The following ROR1 variants were observed in gnomAD, a reference collection of about 807,000 sequenced individuals.
ROR1 encodes inactive tyrosine-protein kinase transmembrane receptor ROR1.
ROR1 carries 19 observed loss-of-function variants against 78.8 expected under a neutral mutation model. The ratio of observed to expected loss-of-function variants is 0.24; its 90% confidence interval spans 0.17 to 0.35. ROR1 has a LOEUF of 0.35. ROR1 is among the 10% of genes least tolerant of loss of function. The pLI, the probability that ROR1 is intolerant of heterozygous loss-of-function variation, is 1.00. For synonymous variants in ROR1, 386 were observed against 433.6 expected (o/e 0.89, Z 1.36); for missense variants, 917 against 1,177.8 (o/e 0.78, Z 3.24).
At chr1:64,016,436 T>C (rs1646521203) in intron 2 of ROR1, among the ~76,000 whole-genome samples, 1 of 152,150 alleles carries the variant, frequency 6.6e-6, no homozygotes, top group South Asian at 2.1e-4. Context: ...TTAAAATTAA[T>C]TTATAGTACC....
chr1:64,006,936 A>T (rs1646432357), intron 1 of ROR1, among the ~76,000 whole-genome samples: 1 of 152,182 alleles, frequency 6.6e-6, no homozygotes, highest in Admixed American at 6.5e-5. Flanking sequence ...AGTGACGATG[A>T]CATGTGGCCA....
chr1:63,984,794 C>T (rs550146403), intron 1 of ROR1, among the ~76,000 whole-genome samples: 1 of 152,286 alleles, frequency 6.6e-6, no homozygotes, highest in Admixed American at 6.5e-5. Flanking sequence ...GACAGATATA[C>T]AATATGAAGT....
chr1:63,791,219 G>A (rs1375367398), intron 1 of ROR1, among the ~76,000 whole-genome samples: 6 of 152,126 alleles, frequency 3.9e-5, no homozygotes, highest in Non-Finnish European at 8.8e-5. Flanking sequence ...TGTGGGCAGC[G>A]TGAAAACAAT....
At chr1:63,874,208 T>C (rs1569848656) in intron 1 of ROR1, among the ~76,000 whole-genome samples, 1 of 152,356 alleles carries the variant, frequency 6.6e-6, no homozygotes, top group East Asian at 1.9e-4. Context: ...AATTACTCTC[T>C]TGTTTTAGAA....
intron 2 of ROR1, among the ~76,000 whole-genome samples, chr1:64,039,912 C>G (rs1487549899): frequency 6.6e-6 from 1 of 152,198 alleles, no homozygotes; most frequent in Non-Finnish European, 1.5e-5. Context: ...AGTCTTTAGG[C>G]TGCAATGTGA....
chr1:64,125,721 A>T (rs546118356), intron 4 of ROR1, among the ~76,000 whole-genome samples: 1 of 152,288 alleles, frequency 6.6e-6, no homozygotes, highest in East Asian at 1.9e-4. Flanking sequence ...AGAAATAGGG[A>T]TGGAACTTGC....
intron 7 of ROR1, among the ~76,000 whole-genome samples, chr1:64,148,178 T>C (rs1649527771): frequency 6.6e-6 from 1 of 152,186 alleles, no homozygotes. Context: ...TCTATCCCCC[T>C]AGGAGTAGGT....
rs1390612934 is a variant in ROR1, at chr1:64,096,303, A to T, written c.483-41066A>T. ...GTTTTTACATAGGTAAATGTGTGTC[A>T]TGGGGTTTGTTGTACAGATTATTTC... On this transcript the variant is annotated intron_variant, in intron 4 of 8. Coordinates refer to ENST00000371079, the MANE Select transcript of ROR1 (RefSeq NM_005012.4). Among the ~76,000 whole-genome samples, 7 of 151,968 alleles carry T rather than the reference A, an allele frequency of 4.6e-5. No homozygotes were observed. In the East Asian group the frequency reaches 1.4e-3, roughly 29 times the overall value.
At chr1:64,107,204 T>C (rs993019557) in intron 4 of ROR1, among the ~76,000 whole-genome samples, 10 of 152,180 alleles carry the variant, frequency 6.6e-5, no homozygotes, top group African/African-American at 2.4e-4. Flanking sequence ...ACCTTTTCAG[T>C]AGTTGTTGCC....
At chr1:63,897,717 G>T (rs563896243) in intron 1 of ROR1, among the ~76,000 whole-genome samples, 1 of 152,260 alleles carries the variant, frequency 6.6e-6, no homozygotes, top group African/African-American at 2.4e-5. Context: ...CTGCTACATA[G>T]AAGTGCTTAA....
chr1:63,916,258 A>C (rs1645608835), intron 1 of ROR1, among the ~76,000 whole-genome samples: 1 of 152,202 alleles, frequency 6.6e-6, no homozygotes, highest in South Asian at 2.1e-4. Flanking sequence ...TGTTGAAGGC[A>C]AGAGGATACA....
intron 1 of ROR1, among the ~76,000 whole-genome samples, chr1:63,779,818 C>T (rs1452301261): frequency 2.0e-5 from 3 of 152,064 alleles, no homozygotes; most frequent in Non-Finnish European, 4.4e-5. Flanking sequence ...CCCCTGCCCC[C>T]AGCCACACCC....
At chr1:64,026,444 G>A (rs1261369874) in intron 2 of ROR1, among the ~76,000 whole-genome samples, 1 of 152,194 alleles carries the variant, frequency 6.6e-6, no homozygotes, top group African/African-American at 2.4e-5. Context: ...ACTTGATTAT[G>A]ACTCAAGTTT....
chr1:63,938,268 G>A (rs59030878), intron 1 of ROR1, among the ~76,000 whole-genome samples: 3,537 of 152,222 alleles, frequency 0.023, 148 homozygotes, highest in African/African-American at 0.081. Context: ...TAAGTAATCT[G>A]GAGATGATTT....
intron 2 of ROR1, among the ~76,000 whole-genome samples, chr1:64,018,059 A>G (rs1557611283): frequency 6.6e-6 from 1 of 151,950 alleles, no homozygotes; most frequent in African/African-American, 2.4e-5. Flanking sequence ...CTCCTGTTGC[A>G]CCCACTTCAA....
At chr1:64,121,265 C>T (rs1648533597) in intron 4 of ROR1, among the ~76,000 whole-genome samples, 1 of 149,964 alleles carries the variant, frequency 6.7e-6, no homozygotes, top group South Asian at 2.1e-4. Context: ...TTCCATCCTC[C>T]TGTTTCTTTA....
intron 1 of ROR1, among the ~76,000 whole-genome samples, chr1:63,900,806 T>A (rs1347137497): frequency 6.6e-6 from 1 of 152,058 alleles, no homozygotes. Context: ...AAATGTAATT[T>A]AAAAAAAATC....
In ROR1 at chr1:63,815,478, C is replaced by T. The variant is rs9701575; in HGVS notation, c.91+40970C>T. Among the ~76,000 whole-genome samples the T allele has an allele frequency of 4.6e-3, 470 of 103,044 alleles. 1 individual carries two copies. Among genetic ancestry groups the T allele is most frequent in the African/African-American group, 0.021 (403 of 18,856 alleles). The allele number at this position is 103,044 out of a possible 152,430, so 67.6% of individuals were successfully genotyped here. On this transcript the variant is annotated intron_variant, in intron 1 of 8. Coordinates refer to ENST00000371079, the MANE Select transcript of ROR1 (RefSeq NM_005012.4). The stretch of plus-strand genomic sequence containing the variant: ...TTTTCTTTTTCTTTTCTTTTCTTTT[C>T]TTTTTCTTTTTTTTTTTTTTTTGAG...
intron 1 of ROR1, among the ~76,000 whole-genome samples, chr1:63,886,277 C>T (rs998208575): frequency 2.0e-5 from 3 of 152,166 alleles, no homozygotes; most frequent in Non-Finnish European, 2.9e-5. Flanking sequence ...TCCTAACAGG[C>T]CATGGACTAG....
Sources: allele counts gnomAD v4.1 joint callset (sites outside exome capture counted in the v4.1 genomes callset), GRCh38; gene constraint gnomAD v4.1.1; transcripts MANE v1.5; gene names NCBI Gene and HGNC (gene_info 2026-07-23, HGNC 2026-07-21).